Variants in DOCK5 observed in about 807,000 individuals in gnomAD.
DOCK5 encodes dedicator of cytokinesis protein 5.
DOCK5 carries 142 observed loss-of-function variants against 251.8 expected under a neutral mutation model. That is an observed-to-expected ratio of 0.56 (90% CI 0.49 to 0.65). The LOEUF is 0.65. Ranked by LOEUF, DOCK5 falls within the 30% of genes least tolerant of loss-of-function variation. DOCK5 has a pLI of 0.00. For synonymous variants in DOCK5, 842 were observed against 835.5 expected (o/e 1.01, Z -0.13); for missense variants, 2,111 against 2,312.3 (o/e 0.91, Z 1.79).
chr8:25,243,652 C>A, intron 1 of DOCK5, 22 bp from the exon 2 acceptor site: 1 of 1,608,468 alleles, frequency 6.2e-7, no homozygotes, highest in South Asian at 1.1e-5. Flanking sequence ...TCTAATTTCC[C>A]TTTTTTATTT....
At position 25,363,225 on chromosome 8, in the gene DOCK5, C is replaced by A. The variant is rs1800718637; in HGVS notation, c.3044+84C>A. On this transcript the variant is annotated intron_variant, in intron 29 of 51. Transcript: ENST00000276440. ...GAACTTTGGGAAATGTCTTTAAATC[C>A]CTTTGCCTCAAACCCATCATCTGTA... 36 of 1,168,006 alleles carry A rather than the reference C, an allele frequency of 3.1e-5. No homozygotes were observed. The South Asian group carries it at 4.0e-4, about 13-fold the overall frequency. 72.4% of individuals were successfully genotyped at this position (1,168,006 alleles called of 1,614,324 possible).
intron 1 of DOCK5, among the ~76,000 whole-genome samples, chr8:25,235,468 A>G (rs1338821556): frequency 6.6e-6 from 1 of 152,186 alleles, no homozygotes; most frequent in African/African-American, 2.4e-5. Context: ...TATGTTGCCC[A>G]GGCTGGTCTC....
At chr8:25,350,632 C>T (rs912837359) in intron 26 of DOCK5, among the ~76,000 whole-genome samples, 1 of 152,186 alleles carries the variant, frequency 6.6e-6, no homozygotes, top group African/African-American at 2.4e-5. Flanking sequence ...TTTATTTTCT[C>T]ACAGTTCTGG....
At chr8:25,220,009 C>CT (rs200819363) in intron 1 of DOCK5, among the ~76,000 whole-genome samples, 8,117 of 145,994 alleles carry the variant, frequency 0.056, 522 homozygotes, top group African/African-American at 0.16. Context: ...TTTTCTTCTT[C>CT]TTTTTTTTTT....
intron 1 of DOCK5, among the ~76,000 whole-genome samples, chr8:25,203,515 C>G (rs1801927998): frequency 1.3e-5 from 2 of 152,176 alleles, no homozygotes; most frequent in South Asian, 4.1e-4. Context: ...TATTTTCTTT[C>G]CTGAATGAGA....
chr8:25,206,020 A>G (rs1414741759), intron 1 of DOCK5, among the ~76,000 whole-genome samples: 1 of 152,158 alleles, frequency 6.6e-6, no homozygotes, highest in Non-Finnish European at 1.5e-5. Flanking sequence ...GTTGCAAAAA[A>G]AGTCCAGTTG....
At chr8:25,379,908 C>T (rs1263702528) in intron 38 of DOCK5, among the ~76,000 whole-genome samples, 3 of 151,772 alleles carry the variant, frequency 2.0e-5, no homozygotes, top group Non-Finnish European at 4.4e-5. Context: ...ATTTCAGAAC[C>T]AAAGTCCCAC....
At chr8:25,297,744 G>T (rs1030553118) in intron 7 of DOCK5, among the ~76,000 whole-genome samples, 3 of 151,974 alleles carry the variant, frequency 2.0e-5, no homozygotes, top group Non-Finnish European at 2.9e-5. Flanking sequence ...GGTAATAATT[G>T]GACATTAAAG....
intron 28 of DOCK5, 46 bp from the exon 29 acceptor site, chr8:25,363,001 T>C: frequency 6.9e-7 from 1 of 1,454,234 alleles, no homozygotes; most frequent in African/African-American, 1.4e-5. Context: ...ATAAAGACTA[T>C]GAACGTAACC....
At chr8:25,223,064 T>A (rs1045635304) in intron 1 of DOCK5, among the ~76,000 whole-genome samples, 1 of 152,108 alleles carries the variant, frequency 6.6e-6, no homozygotes, top group Non-Finnish European at 1.5e-5. Context: ...AGGAGCCAAG[T>A]TTTGGAATAT....
rs948449500 is a variant in DOCK5, at chr8:25,361,090, C to A, written c.2950-1957C>A. Among the ~76,000 whole-genome samples the A allele has an allele frequency of 2.0e-5, 3 of 152,090 alleles. No homozygotes were observed. The South Asian group carries it at 6.2e-4, about 32-fold the overall frequency. On this transcript the variant is annotated intron_variant, in intron 28 of 51. Coordinates refer to ENST00000276440, the MANE Select transcript of DOCK5 (RefSeq NM_024940.8). ...CCCTCATGCTGCCTTCTGAGTGAAC[C>A]GCATGAAGGCCCTTGGGAAGTGGTG...
At chr8:25,336,496 G>C in intron 22 of DOCK5, 123 bp downstream of exon 22, 1 of 1,284,206 alleles carries the variant, frequency 7.8e-7, no homozygotes, top group Non-Finnish European at 1.1e-6. Flanking sequence ...CCTTATTTCA[G>C]AACTGCAGGG....
intron 22 of DOCK5, among the ~76,000 whole-genome samples, chr8:25,340,374 C>G (rs1805923255): frequency 6.6e-6 from 1 of 152,120 alleles, no homozygotes; most frequent in African/African-American, 2.4e-5. Flanking sequence ...TGAATTCAAG[C>G]CATCCTATTC....
At chr8:25,294,463 GC>G (rs1220287184) in intron 6 of DOCK5, among the ~76,000 whole-genome samples, 23 of 152,172 alleles carry the variant, frequency 1.5e-4, no homozygotes, top group African/African-American at 5.6e-4. Context: ...TATTCGGATA[GC>G]AGTATCCTAT....
intron 2 of DOCK5, among the ~76,000 whole-genome samples, chr8:25,261,836 C>G (rs1009958164): frequency 2.6e-5 from 4 of 152,174 alleles, no homozygotes; most frequent in African/African-American, 9.7e-5. Context: ...TGTGAGTCAA[C>G]TTCATATCAG....
chr8:25,282,147 A>G (rs867083420), intron 5 of DOCK5, among the ~76,000 whole-genome samples: 1 of 152,122 alleles, frequency 6.6e-6, no homozygotes, highest in Non-Finnish European at 1.5e-5. Context: ...TTAGTGCAAA[A>G]GTAATTGTGG....
At chr8:25,389,528 G>T (rs78219654) in intron 41 of DOCK5, among the ~76,000 whole-genome samples, 2 of 152,230 alleles carry the variant, frequency 1.3e-5, no homozygotes, top group African/African-American at 2.4e-5. Flanking sequence ...TCTGGATTCT[G>T]TTGTAGACTT....
chr8:25,263,678 TACCCCCTCGCCCC>T (rs1299930284), intron 2 of DOCK5, among the ~76,000 whole-genome samples: 1 of 151,518 alleles, frequency 6.6e-6, no homozygotes, highest in Admixed American at 6.6e-5. Context: ...TATGTGCGGA[TACCCCCTCGCCCC>T]ACTTAGGCTC....
intron 5 of DOCK5, among the ~76,000 whole-genome samples, chr8:25,279,033 G>T (rs1395416080): frequency 1.3e-5 from 2 of 152,160 alleles, no homozygotes; most frequent in Non-Finnish European, 2.9e-5. Context: ...TGTTAATAAG[G>T]AACCTGAGTC....
Sources: gnomAD v4.1 joint callset for allele counts (sites outside exome capture counted in the v4.1 genomes callset) on GRCh38, gnomAD v4.1.1 for gene constraint, MANE v1.5 for transcripts, NCBI Gene and HGNC (gene_info 2026-07-23, HGNC 2026-07-21) for gene names.